Variants in TNNI3K observed in about 807,000 individuals in gnomAD.
The protein encoded by TNNI3K is serine/threonine-protein kinase TNNI3K.
In TNNI3K, 140 loss-of-function variants were observed where a neutral mutation model predicts 114.5. That is an observed-to-expected ratio of 1.22 (90% CI 1.07 to 1.41). The LOEUF (loss-of-function observed/expected upper bound fraction) is 1.41, where lower values mean the gene tolerates loss of function less well. Among genes scored for constraint, TNNI3K ranks in the 40% most tolerant of loss-of-function variants. The pLI, the probability that TNNI3K is intolerant of heterozygous loss-of-function variation, is 0.00. For missense variants in TNNI3K, 1,125 were observed against 1,007.6 expected (o/e 1.12, Z -1.58); for synonymous variants, 347 against 347.5 (o/e 1.00, Z 0.02).
intron 22 of TNNI3K, among the ~76,000 whole-genome samples, chr1:74,490,236 T>C (rs1668995504): frequency 6.6e-6 from 1 of 152,200 alleles, no homozygotes; most frequent in Non-Finnish European, 1.5e-5. Context: ...CTTTCCCTTC[T>C]CTTATTCAGT....
In TNNI3K at chr1:74,442,028, AC is replaced by A. The variant is rs143059032; in HGVS notation, c.2011+2407del. Among the ~76,000 whole-genome samples the A allele has an allele frequency of 6.8e-3, 1,033 of 152,026 alleles. 14 individuals are homozygous for A. The highest frequency in any genetic ancestry group is 0.023 in the African/African-American group (967 of 41,496). On this transcript the variant is annotated intron_variant, in intron 20 of 24. Coordinates refer to ENST00000326637, the MANE Select transcript of TNNI3K (RefSeq NM_015978.3). ...TCCTATCTAAAAATATTTTTGCCTT[AC>A]TCAAAGCCATAAAAACTTCCCCCTA...
intron 23 of TNNI3K, among the ~76,000 whole-genome samples, chr1:74,527,290 C>T (rs1328069330): frequency 6.6e-6 from 1 of 152,162 alleles, no homozygotes; most frequent in Non-Finnish European, 1.5e-5. Flanking sequence ...TAAAAAGAAT[C>T]AGAGTAAACA....
At chr1:74,283,305 T>C (rs1468090135) in intron 5 of TNNI3K, among the ~76,000 whole-genome samples, 1 of 152,188 alleles carries the variant, frequency 6.6e-6, no homozygotes, top group Non-Finnish European at 1.5e-5. Context: ...AGCAATCTAC[T>C]ACTCTGCAGG....
At chr1:74,445,065 C>A (rs1420961670) in intron 20 of TNNI3K, among the ~76,000 whole-genome samples, 1 of 151,942 alleles carries the variant, frequency 6.6e-6, no homozygotes, top group Non-Finnish European at 1.5e-5. Context: ...ATGTAAAACC[C>A]AAAACCATAA....
chr1:74,372,097 A>G (rs1371832958), intron 17 of TNNI3K: 1 of 15,686 alleles, frequency 6.4e-5, no homozygotes, highest in African/African-American at 8.5e-5. Context: ...TTTAAGAAAA[A>G]AAAAAAAAAA....
intron 21 of TNNI3K, 144 bp downstream of exon 21, chr1:74,463,694 A>C: frequency 1.2e-6 from 1 of 858,590 alleles, no homozygotes; most frequent in Non-Finnish European, 1.8e-6. Flanking sequence ...TTAGTCTCTA[A>C]TTGCCTCAAG....
chr1:74,365,315 A>C (rs1662211465), intron 11 of TNNI3K, among the ~76,000 whole-genome samples: 1 of 152,026 alleles, frequency 6.6e-6, no homozygotes, highest in Non-Finnish European at 1.5e-5. Context: ...CGAAAATCTC[A>C]TCTCCTTATC....
intron 4 of TNNI3K, among the ~76,000 whole-genome samples, chr1:74,251,317 G>A (rs1480228448): frequency 2.0e-5 from 3 of 152,200 alleles, no homozygotes; most frequent in Non-Finnish European, 2.9e-5. Context: ...GGGATACTTA[G>A]TGTTGGAATT....
intron 5 of TNNI3K, among the ~76,000 whole-genome samples, chr1:74,272,164 T>G (rs1656390990): frequency 6.6e-6 from 1 of 151,978 alleles, no homozygotes. Context: ...ATGTATTACT[T>G]GAATGAATAT....
intron 24 of TNNI3K, 33 bp downstream of exon 24, chr1:74,540,346 A>G: frequency 6.3e-7 from 1 of 1,596,186 alleles, no homozygotes; most frequent in Non-Finnish European, 8.6e-7. Context: ...TTTGTTAAGA[A>G]AACTACCCCT....
intron 21 of TNNI3K, among the ~76,000 whole-genome samples, chr1:74,475,045 A>T (rs1668121180): frequency 6.6e-6 from 1 of 151,240 alleles, no homozygotes; most frequent in Non-Finnish European, 1.5e-5. Context: ...TGGGCCTCAA[A>T]ATTTACTTTT....
chr1:74,261,100 T>C (rs1343407094), intron 4 of TNNI3K, among the ~76,000 whole-genome samples: 7 of 152,112 alleles, frequency 4.6e-5, no homozygotes, highest in Non-Finnish European at 1.5e-5. Context: ...TGCTGCTTCT[T>C]ACCTTAGTAA....
chr1:74,444,882 T>A (rs1666561549), intron 20 of TNNI3K, among the ~76,000 whole-genome samples: 1 of 150,396 alleles, frequency 6.6e-6, no homozygotes, highest in South Asian at 2.1e-4. Flanking sequence ...AGACCACACA[T>A]TTACACATCT....
rs1655121917 is a variant in TNNI3K, at chr1:74,253,968, T to C, written c.333+3199T>C. 2.0e-5 allele frequency among the ~76,000 whole-genome samples: 3 copies of C among 152,222 alleles called. No individual in the cohort carries two copies. The South Asian group carries it at 6.2e-4, about 32-fold the overall frequency. ...TAACCATTAAATGCATTAAACCTAC[T>C]TCTAATTATCCCTTGACAGAACTAC... is the stretch of plus-strand genomic sequence containing the variant. On this transcript the variant is annotated intron_variant, in intron 4 of 24. Coordinates refer to ENST00000326637, the MANE Select transcript of TNNI3K (RefSeq NM_015978.3).
chr1:74,338,014 C>T (rs1033069555), intron 7 of TNNI3K, among the ~76,000 whole-genome samples: 4 of 152,036 alleles, frequency 2.6e-5, no homozygotes, highest in South Asian at 2.1e-4. Flanking sequence ...TTCTTATTCA[C>T]GTCTTTTTGT....
At chr1:74,302,650 A>T (rs748040349) in intron 5 of TNNI3K, among the ~76,000 whole-genome samples, 1 of 152,230 alleles carries the variant, frequency 6.6e-6, no homozygotes, top group Non-Finnish European at 1.5e-5. Context: ...TAGTCACAAC[A>T]TTACTTTAAG....
chr1:74,508,374 A>G (rs1422994172), intron 23 of TNNI3K, among the ~76,000 whole-genome samples: 1 of 152,222 alleles, frequency 6.6e-6, no homozygotes. Context: ...GTGTTATCTC[A>G]TTTAATCTTC....
chr1:74,322,208 G>A (rs1338996742), intron 5 of TNNI3K, among the ~76,000 whole-genome samples: 1 of 152,124 alleles, frequency 6.6e-6, no homozygotes, highest in Non-Finnish European at 1.5e-5. Flanking sequence ...GACCCCAATG[G>A]AAACAGTTTG....
intron 21 of TNNI3K, among the ~76,000 whole-genome samples, chr1:74,478,434 G>C (rs1231433172): frequency 1.3e-5 from 2 of 152,048 alleles, no homozygotes; most frequent in Non-Finnish European, 2.9e-5. Flanking sequence ...TGTTAATGTA[G>C]CTAAATATAT....
Sources: allele counts gnomAD v4.1 joint callset (sites outside exome capture counted in the v4.1 genomes callset), GRCh38; gene constraint gnomAD v4.1.1; transcripts MANE v1.5; gene names NCBI Gene and HGNC (gene_info 2026-07-23, HGNC 2026-07-21).